GNB1: variants seen among roughly 807,000 people sequenced by gnomAD.
GNB1 encodes the protein guanine nucleotide-binding protein G(I)/G(S)/G(T) subunit beta-1.
A neutral mutation model predicts 42.9 loss-of-function variants in GNB1; 2 were observed. That is an observed-to-expected ratio of 0.05 (90% CI 0.02 to 0.15). GNB1 has a LOEUF of 0.15. Ranked by LOEUF, GNB1 falls within the 10% of genes least tolerant of loss-of-function variation. The pLI, the probability that GNB1 is intolerant of heterozygous loss-of-function variation, is 1.00. For synonymous variants in GNB1, 183 were observed against 174.7 expected (o/e 1.05, Z -0.38); for missense variants, 193 against 462.2 (o/e 0.42, Z 5.34).
At chr1:1,882,321 G>C (rs1220543669) in intron 1 of GNB1, among the ~76,000 whole-genome samples, 1 of 151,454 alleles carries the variant, frequency 6.6e-6, no homozygotes, top group Non-Finnish European at 1.5e-5. Flanking sequence ...CCAACTATTT[G>C]GGAGGCTGAG....
intron 7 of GNB1, among the ~76,000 whole-genome samples, chr1:1,795,960 G>A (rs568642443): frequency 2.0e-5 from 3 of 152,252 alleles, no homozygotes; most frequent in East Asian, 1.9e-4. Flanking sequence ...GGGAATGACC[G>A]AATGTATAAG....
intron 1 of GNB1, among the ~76,000 whole-genome samples, chr1:1,850,249 A>G (rs1205044101): frequency 6.0e-5 from 9 of 150,928 alleles, no homozygotes; most frequent in Admixed American, 4.0e-4. Context: ...TCCTGCCTCA[A>G]CCTCTCGAGT....
At chr1:1,815,043 C>T (rs1182361213) in intron 5 of GNB1, among the ~76,000 whole-genome samples, 5 of 148,252 alleles carry the variant, frequency 3.4e-5, no homozygotes, top group South Asian at 4.2e-4. Context: ...ACCCGGGAGG[C>T]GGAGCTTGCA....
chr1:1,828,005 C>T (rs781048804), intron 2 of GNB1, among the ~76,000 whole-genome samples: 4 of 152,052 alleles, frequency 2.6e-5, no homozygotes, highest in Admixed American at 6.6e-5. Context: ...GAAAGAGAAA[C>T]GCATGTTCTG....
At chr1:1,875,692 A>G (rs1486970585) in intron 1 of GNB1, among the ~76,000 whole-genome samples, 1 of 152,110 alleles carries the variant, frequency 6.6e-6, no homozygotes, top group Non-Finnish European at 1.5e-5. Context: ...TATGTAAATT[A>G]TCTTACAAGT....
At chr1:1,820,936 C>A (rs189247024) in intron 3 of GNB1, among the ~76,000 whole-genome samples, 129 of 152,294 alleles carry the variant, frequency 8.5e-4, no homozygotes, top group African/African-American at 3.0e-3. Context: ...TTAATGGAAA[C>A]AAGCTCTATA....
intron 7 of GNB1, 143 bp downstream of exon 7, chr1:1,804,276 G>A (rs1304238920): frequency 3.4e-6 from 2 of 586,022 alleles, no homozygotes; most frequent in East Asian, 3.2e-5. Flanking sequence ...TCCAGCCTGG[G>A]TGACAGAGCG....
At chr1:1,880,484 G>A (rs762545946) in intron 1 of GNB1, among the ~76,000 whole-genome samples, 6 of 152,016 alleles carry the variant, frequency 3.9e-5, no homozygotes, top group Non-Finnish European at 5.9e-5. Flanking sequence ...GCTACTCGGA[G>A]AGGCCGAGGC....
chr1:1,834,534 C>T (rs1402779116), intron 2 of GNB1, among the ~76,000 whole-genome samples: 3 of 152,096 alleles, frequency 2.0e-5, no homozygotes, highest in Non-Finnish European at 4.4e-5. Context: ...ATTTCAAAGC[C>T]AAACTTTATA....
intron 1 of GNB1, among the ~76,000 whole-genome samples, chr1:1,881,194 T>C (rs759296960): frequency 6.6e-6 from 1 of 152,052 alleles, no homozygotes; most frequent in Non-Finnish European, 1.5e-5. Context: ...AAACCTGTGG[T>C]CATTTACATC....
chr1:1,803,119 T>C (rs556032738), intron 7 of GNB1, among the ~76,000 whole-genome samples: 1 of 152,324 alleles, frequency 6.6e-6, no homozygotes, highest in South Asian at 2.1e-4. Context: ...GGGCGGAGTG[T>C]TATCAAAAAG....
In GNB1 at chr1:1,840,054, A is replaced by C. The variant is rs150275519; in HGVS notation, c.-95-816T>G. ...TCTTGGCAGCGAACTAAAAAAAAAAACGTTTCTACTAAAAATTAAAAAAAT... is the reference window on the plus strand; with the variant it reads ...TCTTGGCAGCGAACTAAAAAAAAAACCGTTTCTACTAAAAATTAAAAAAAT... On this transcript the variant is annotated intron_variant, in intron 1 of 11. Transcript: ENST00000378609. Among the ~76,000 whole-genome samples the C allele has an allele frequency of 1.3e-4, 19 of 151,412 alleles. No individual in the cohort carries two copies. The East Asian group carries it at 3.5e-3, about 28-fold the overall frequency.
intron 8 of GNB1, among the ~76,000 whole-genome samples, chr1:1,791,234 C>T (rs1413460861): frequency 6.6e-6 from 1 of 150,510 alleles, no homozygotes; most frequent in Non-Finnish European, 1.5e-5. Context: ...TGCAATGGCG[C>T]GATCTTGGCT....
intron 2 of GNB1, among the ~76,000 whole-genome samples, chr1:1,826,873 T>A (rs1340760194): frequency 6.6e-6 from 1 of 152,212 alleles, no homozygotes; most frequent in Non-Finnish European, 1.5e-5. Context: ...ACCAAGATCT[T>A]AGCTGTTAAT....
chr1:1,844,713 C>T (rs1413839043), intron 1 of GNB1, among the ~76,000 whole-genome samples: 6 of 152,150 alleles, frequency 3.9e-5, no homozygotes, highest in Non-Finnish European at 8.8e-5. Context: ...CTGAGATACC[C>T]AAACCAGAAT....
intron 1 of GNB1, among the ~76,000 whole-genome samples, chr1:1,845,339 C>T (rs1647578566): frequency 1.3e-5 from 2 of 152,100 alleles, no homozygotes; most frequent in Admixed American, 1.3e-4. Flanking sequence ...TTTGGGAGGC[C>T]AAGGCGGGCG....
At chr1:1,837,430 A>G (rs1286490312) in intron 2 of GNB1, among the ~76,000 whole-genome samples, 2 of 150,456 alleles carry the variant, frequency 1.3e-5, no homozygotes, top group Admixed American at 6.6e-5. Flanking sequence ...AATTTTTTGT[A>G]TTTTCAGTAG....
chr1:1,851,012 G>A (rs146220811), intron 1 of GNB1, among the ~76,000 whole-genome samples: 1 of 152,364 alleles, frequency 6.6e-6, no homozygotes, highest in African/African-American at 2.4e-5. Context: ...GCTTACGCCT[G>A]TAATCCCAGC....
intron 5 of GNB1, among the ~76,000 whole-genome samples, chr1:1,814,838 C>T (rs1333552568): frequency 6.8e-5 from 10 of 146,072 alleles, no homozygotes; most frequent in Admixed American, 6.1e-4. Context: ...AGAGGCTGGG[C>T]GTAGTGGCTC....
Sources: gnomAD v4.1 joint callset for allele counts (sites outside exome capture counted in the v4.1 genomes callset) on GRCh38, gnomAD v4.1.1 for gene constraint, MANE v1.5 for transcripts, NCBI Gene and HGNC (gene_info 2026-07-23, HGNC 2026-07-21) for gene names.